DPYSL3: variants seen among roughly 807,000 people sequenced by gnomAD.
DPYSL3 encodes dihydropyrimidinase like 3.
Under a neutral mutation model 66.1 loss-of-function variants are expected in DPYSL3, and 16 were observed. That is an observed-to-expected ratio of 0.24 (90% CI 0.16 to 0.37). The LOEUF is 0.37. Among genes scored for constraint, DPYSL3 ranks in the 10% least tolerant of loss-of-function variants. The probability of loss-of-function intolerance (pLI) is 1.00; values close to 1 mark genes in which losing one functional copy is unlikely to be tolerated. For missense variants in DPYSL3, 738 were observed against 916.2 expected, an observed-to-expected ratio of 0.81 and a Z score of 2.51; for synonymous variants, 338 against 345.1, an observed-to-expected ratio of 0.98 and a Z score of 0.23.
chr5:147,409,320 T>C (rs1019934433), intron 6 of DPYSL3, among the ~76,000 whole-genome samples: 3 of 152,246 alleles, frequency 2.0e-5, no homozygotes, highest in African/African-American at 7.2e-5. Flanking sequence ...CCTGAATTGT[T>C]TTTGTAGAAA....
intron 4 of DPYSL3, 69 bp downstream of exon 4, chr5:147,415,640 G>A (rs1310550801): frequency 6.4e-7 from 1 of 1,555,008 alleles, no homozygotes; most frequent in Middle Eastern, 1.9e-4. Flanking sequence ...ACTGAAATGA[G>A]TGGATGGTGT....
rs1714225080 is a variant in DPYSL3 at position 147,395,404 on chromosome 5, TC to T, written c.1966+154del. Reference sequence around the variant, plus strand: ...GACCCCTTGTCAATTCAGGGACCCTTCCTGCTTGCCCCAGTAACCTTCTCCC... The same window carrying T: ...GACCCCTTGTCAATTCAGGGACCCTTCTGCTTGCCCCAGTAACCTTCTCCC... On this transcript the variant is annotated intron_variant, in intron 13 of 13. Transcript: ENST00000343218. 3.3e-5 allele frequency among the ~76,000 whole-genome samples: 5 copies of T among 152,176 alleles called. No individual in the cohort carries two copies. In the South Asian group the frequency reaches 1.0e-3, roughly 32 times the overall value.
chr5:147,496,167 A>C (rs1753504661), intron 1 of DPYSL3, among the ~76,000 whole-genome samples: 1 of 152,182 alleles, frequency 6.6e-6, no homozygotes, highest in South Asian at 2.1e-4. Context: ...CCTATTTAAT[A>C]AATGGTGCTG....
intron 1 of DPYSL3, among the ~76,000 whole-genome samples, chr5:147,492,348 A>T (rs1753428609): frequency 6.6e-6 from 1 of 152,258 alleles, no homozygotes; most frequent in East Asian, 1.9e-4. Flanking sequence ...AAAGAAGACC[A>T]CCAGAGAATA....
intron 1 of DPYSL3, among the ~76,000 whole-genome samples, chr5:147,437,683 G>T (rs1752438318): frequency 6.6e-6 from 1 of 152,158 alleles, no homozygotes; most frequent in African/African-American, 2.4e-5. Context: ...CAAAGATTAG[G>T]TCTATCATAC....
At chr5:147,452,758 T>C (rs1413123190) in intron 1 of DPYSL3, among the ~76,000 whole-genome samples, 1 of 152,016 alleles carries the variant, frequency 6.6e-6, no homozygotes, top group Non-Finnish European at 1.5e-5. Flanking sequence ...TTGCACACAA[T>C]GGGTTGAACA....
At chr5:147,438,430 T>C (rs73794735) in intron 1 of DPYSL3, among the ~76,000 whole-genome samples, 3,764 of 152,280 alleles carry the variant, frequency 0.025, 146 homozygotes, top group African/African-American at 0.085. Flanking sequence ...GGGTAGTTAA[T>C]CCTAGAACAA....
At chr5:147,486,311 T>C (rs1415270137) in intron 1 of DPYSL3, among the ~76,000 whole-genome samples, 2 of 152,222 alleles carry the variant, frequency 1.3e-5, no homozygotes, top group Non-Finnish European at 2.9e-5. Flanking sequence ...TAAGTTTATG[T>C]TATGAGTATT....
chr5:147,453,843 TTTTG>T, intron 1 of DPYSL3: 1 of 921,598 alleles, frequency 1.1e-6, no homozygotes, highest in Admixed American at 5.7e-5. Context: ...CACGCCCGGG[TTTTG>T]TTTTTTTTTT....
At chr5:147,473,570 TTTC>T (rs1166842125) in intron 1 of DPYSL3, among the ~76,000 whole-genome samples, 2 of 152,144 alleles carry the variant, frequency 1.3e-5, no homozygotes, top group Non-Finnish European at 2.9e-5. Context: ...ACAATTTTCT[TTTC>T]TTCTTCTTAG....
rs1261110344 is a variant in DPYSL3, at chr5:147,509,874, G to A, written c.-16C>T. 1 of 1,495,560 alleles carries A rather than the reference G, an allele frequency of 6.7e-7. No homozygotes were observed. Among genetic ancestry groups the A allele is most frequent in the Non-Finnish European group, 8.9e-7 (1 of 1,122,288 alleles). The allele number at this position is 1,495,560 out of a possible 1,614,324, so 92.6% of individuals were successfully genotyped here. A position where few individuals can be genotyped will look rare whatever the true frequency, so the allele number is the denominator to read the frequency against. On this transcript the variant is annotated 5_prime_UTR_variant, in exon 1 of 14. Coordinates refer to ENST00000343218, the MANE Select transcript of DPYSL3 (RefSeq NM_001197294.2). The surrounding 1 kb of genome is among the most constrained non-coding windows in gnomAD (Gnocchi z 5.3). ...CCGAGGCCATGGTTCAAGCACGAAA[G>A]CGGCCCGCGGGTTTTTCTTCCCCAG...
In DPYSL3 at chr5:147,446,656, T is replaced by G. The variant is rs191061617; in HGVS notation, c.382-21693A>C. 4.6e-5 allele frequency among the ~76,000 whole-genome samples: 7 copies of G among 152,336 alleles called. No homozygotes were observed. The East Asian group carries it at 1.4e-3, about 29-fold the overall frequency. ...CAGGGATAGAGAGTGAGAAAGGGCC[T>G]TAGACCCAGATCTGCTCTGAAGCAA... On this transcript the variant is annotated intron_variant, in intron 1 of 13. Transcript: ENST00000343218.
chr5:147,503,733 A>C (rs554724500), intron 1 of DPYSL3, among the ~76,000 whole-genome samples: 6 of 152,220 alleles, frequency 3.9e-5, no homozygotes, highest in Admixed American at 3.9e-4. Flanking sequence ...AGTTTACAAG[A>C]AGACCATTAC....
At chr5:147,503,031 T>A (rs1176646814) in intron 1 of DPYSL3, among the ~76,000 whole-genome samples, 1 of 152,222 alleles carries the variant, frequency 6.6e-6, no homozygotes, top group Admixed American at 6.5e-5. Flanking sequence ...TGTAGCCTCA[T>A]CACAAGCCTT....
rs537138670 is a variant in DPYSL3, at chr5:147,489,472, G to T, written c.381+20006C>A. ...AATTGAGTAATCTTTCCATGACTCG[G>T]TTTCTTTTCTGGATTATGTGGATAT... On this transcript the variant is annotated intron_variant, in intron 1 of 13. Transcript: ENST00000343218. Among the ~76,000 whole-genome samples the T allele has an allele frequency of 2.6e-5, 4 of 152,258 alleles. No homozygotes were observed. The East Asian group carries it at 7.7e-4, about 29-fold the overall frequency.
At chr5:147,452,337 G>T (rs1752746791) in intron 1 of DPYSL3, among the ~76,000 whole-genome samples, 2 of 151,988 alleles carry the variant, frequency 1.3e-5, no homozygotes, top group Admixed American at 6.6e-5. Context: ...TACTGTGGCA[G>T]GTAAAGCTCT....
chr5:147,485,677 A>G (rs1420045538), intron 1 of DPYSL3, among the ~76,000 whole-genome samples: 1 of 152,188 alleles, frequency 6.6e-6, no homozygotes, highest in Non-Finnish European at 1.5e-5. Context: ...AGTAAGTGGT[A>G]GGCCCTGCCC....
At chr5:147,479,699 A>C (rs1184095678) in intron 1 of DPYSL3, among the ~76,000 whole-genome samples, 1 of 152,162 alleles carries the variant, frequency 6.6e-6, no homozygotes, top group Non-Finnish European at 1.5e-5. Context: ...TGAGTCTTGA[A>C]GCCTGTTCTC....
intron 2 of DPYSL3, among the ~76,000 whole-genome samples, chr5:147,419,944 T>C (rs897267467): frequency 6.6e-6 from 1 of 152,202 alleles, no homozygotes; most frequent in Non-Finnish European, 1.5e-5. Flanking sequence ...ACCAAGGGCA[T>C]GAAGAGTTGC....
Sources: allele counts gnomAD v4.1 joint callset (sites outside exome capture counted in the v4.1 genomes callset), GRCh38; gene constraint gnomAD v4.1.1; non-coding constraint Gnocchi (gnomAD v3.1); transcripts MANE v1.5; gene names NCBI Gene and HGNC (gene_info 2026-07-23, HGNC 2026-07-21).